Variants in MYO1E observed in about 807,000 individuals in gnomAD.
MYO1E encodes myosin IE.
In MYO1E, 68 loss-of-function variants were observed where a neutral mutation model predicts 151.1. The ratio of observed to expected loss-of-function variants is 0.45; its 90% CI spans 0.37 to 0.55. The LOEUF (loss-of-function observed/expected upper bound fraction) is 0.55, where lower values mean the gene tolerates loss of function less well. MYO1E is among the 20% of genes least tolerant of loss of function. The pLI is 0.00. For missense variants in MYO1E, 1,363 were observed against 1,389.3 expected, an observed-to-expected ratio of 0.98 and a Z score of 0.30; for synonymous variants, 601 against 501.7, an observed-to-expected ratio of 1.20 and a Z score of -2.64.
chr15:59,281,280 CT>C (rs748503755), intron 1 of MYO1E, among the ~76,000 whole-genome samples: 25 of 146,136 alleles, frequency 1.7e-4, no homozygotes, highest in Non-Finnish European at 1.8e-4. Context: ...TCTTTTCTTT[CT>C]TTTTTTTTTT....
intron 24 of MYO1E, among the ~76,000 whole-genome samples, chr15:59,160,078 C>T (rs1315970956): frequency 2.6e-5 from 4 of 152,080 alleles, no homozygotes; most frequent in East Asian, 1.9e-4. Context: ...TCAGGTAGTC[C>T]GCCTGCCTCG....
At chr15:59,328,687 G>A (rs1336576653) in intron 1 of MYO1E, among the ~76,000 whole-genome samples, 8 of 152,140 alleles carry the variant, frequency 5.3e-5, no homozygotes, top group Admixed American at 5.2e-4. Context: ...GTTCTGTGTG[G>A]AGGGGACCTC....
At chr15:59,154,053 G>A (rs1376567069) in intron 25 of MYO1E, among the ~76,000 whole-genome samples, 2 of 152,184 alleles carry the variant, frequency 1.3e-5, no homozygotes, top group African/African-American at 4.8e-5. Context: ...AACAATGCAT[G>A]GTCAACTTCC....
intron 1 of MYO1E, among the ~76,000 whole-genome samples, chr15:59,356,477 T>C (rs1346930535): frequency 6.6e-6 from 1 of 152,210 alleles, no homozygotes; most frequent in African/African-American, 2.4e-5. Flanking sequence ...TGCTCCACCT[T>C]GTAGGCAGTT....
chr15:59,256,196 T>C, intron 4 of MYO1E, 88 bp downstream of exon 4: 1 of 996,908 alleles, frequency 1.0e-6, no homozygotes. Context: ...TCAGTAGCTG[T>C]TGCAAAACCA....
intron 1 of MYO1E, among the ~76,000 whole-genome samples, chr15:59,353,811 C>T (rs2080838804): frequency 6.6e-6 from 1 of 151,346 alleles, no homozygotes; most frequent in Admixed American, 6.6e-5. Context: ...GAAACCTCTA[C>T]ATTTTGAAAA....
chr15:59,181,972 C>T (rs1281782341), intron 18 of MYO1E, among the ~76,000 whole-genome samples: 1 of 152,144 alleles, frequency 6.6e-6, no homozygotes. Context: ...TAGGATGAGA[C>T]AGTTGGCGGT....
intron 1 of MYO1E, among the ~76,000 whole-genome samples, chr15:59,364,014 G>C (rs753487046): frequency 7.9e-5 from 12 of 152,128 alleles, no homozygotes; most frequent in Non-Finnish European, 1.5e-4. Context: ...CTGACCTCAA[G>C]TGATCTGCCC....
At chr15:59,246,564 G>A (rs1324438699) in intron 4 of MYO1E, among the ~76,000 whole-genome samples, 1 of 152,074 alleles carries the variant, frequency 6.6e-6, no homozygotes, top group African/African-American at 2.4e-5. Flanking sequence ...CTCAGGTCAG[G>A]CCCTCACTGC....
intron 17 of MYO1E, among the ~76,000 whole-genome samples, chr15:59,192,430 T>G (rs1403010315): frequency 6.6e-6 from 1 of 152,218 alleles, no homozygotes; most frequent in East Asian, 1.9e-4. Flanking sequence ...TACAAGGAAG[T>G]AGCATCAGGG....
intron 1 of MYO1E, among the ~76,000 whole-genome samples, chr15:59,323,351 T>C (rs1194601254): frequency 2.0e-5 from 3 of 151,610 alleles, no homozygotes; most frequent in Admixed American, 6.6e-5. Context: ...GACATTCAGA[T>C]TTAAAATTAA....
chr15:59,238,772 A>C (rs1644149603), intron 4 of MYO1E, among the ~76,000 whole-genome samples: 1 of 151,944 alleles, frequency 6.6e-6, no homozygotes, highest in Non-Finnish European at 1.5e-5. Flanking sequence ...GGGTTTCACC[A>C]TGTTAGCCAG....
At chr15:59,186,983 T>C (rs1161344371) in intron 18 of MYO1E, among the ~76,000 whole-genome samples, 2 of 152,244 alleles carry the variant, frequency 1.3e-5, no homozygotes, top group Non-Finnish European at 1.5e-5. Context: ...AAAATAAGTT[T>C]AAATTTATAC....
intron 1 of MYO1E, among the ~76,000 whole-genome samples, chr15:59,296,986 CCCG>C (rs1446651381): frequency 9.0e-6 from 1 of 111,634 alleles, no homozygotes; most frequent in Non-Finnish European, 2.0e-5. Flanking sequence ...ACTACAGGCG[CCCG>C]CTACCACGCC....
chr15:59,219,234 T>A (rs1384703846), intron 9 of MYO1E, among the ~76,000 whole-genome samples: 3 of 152,200 alleles, frequency 2.0e-5, no homozygotes, highest in African/African-American at 7.2e-5. Flanking sequence ...GGGGTTTTCT[T>A]GATTTCTGGG....
chr15:59,214,693 G>T lies in MYO1E; in HGVS notation c.1135C>A (p.His379Asn), dbSNP rs150983259. 3.7e-6 allele frequency: 6 copies of T among 1,613,578 alleles called. No homozygotes were observed. In the East Asian group the frequency reaches 1.3e-4, roughly 36 times the overall value. The change falls in exon 11 of 28, where the codon CAT becomes AAT. Residue 379 changes from histidine to asparagine, a missense_variant. Physicochemically the swap from His to Asn is moderately conservative, Grantham distance 68 (BLOSUM62 1). Coordinates refer to ENST00000288235, the MANE Select transcript of MYO1E (RefSeq NM_004998.4). ...DSINKAMEKD[H>N]EEYNIGVLDI... The stretch of plus-strand genomic sequence containing the variant: ...AGGACGCCAATGTTGTATTCTTCAT[G>T]GTCTTTCTCCATGGCTTTATTGATG...
At chr15:59,187,332 AT>A (rs1397549066) in intron 18 of MYO1E, among the ~76,000 whole-genome samples, 1 of 152,276 alleles carries the variant, frequency 6.6e-6, no homozygotes, top group Non-Finnish European at 1.5e-5. Flanking sequence ...TAACAGGCAC[AT>A]GAAAAAATCC....
At chr15:59,197,074 C>T (rs1216318110) in intron 16 of MYO1E, among the ~76,000 whole-genome samples, 1 of 121,794 alleles carries the variant, frequency 8.2e-6, no homozygotes, top group Non-Finnish European at 1.6e-5. Context: ...CTCATTGCAA[C>T]CTCTGCCTCC....
intron 18 of MYO1E, among the ~76,000 whole-genome samples, chr15:59,183,410 C>G (rs2079676554): frequency 6.6e-6 from 1 of 151,478 alleles, no homozygotes; most frequent in Non-Finnish European, 1.5e-5. Flanking sequence ...GGCTAACTCA[C>G]TGTGGCCTTG....
Sources: gnomAD v4.1 joint callset for allele counts (sites outside exome capture counted in the v4.1 genomes callset) on GRCh38, gnomAD v4.1.1 for gene constraint, MANE v1.5 for transcripts, NCBI Gene and HGNC (gene_info 2026-07-23, HGNC 2026-07-21) for gene names.